The following NFATC3 variants were observed in gnomAD, a reference collection of about 807,000 sequenced individuals.
NFATC3 encodes nuclear factor of activated T-cells, cytoplasmic 3.
A neutral mutation model predicts 98.6 loss-of-function variants in NFATC3; 46 were observed. The observed-to-expected ratio is 0.47, with a 90% confidence interval of 0.37 to 0.60. The LOEUF (loss-of-function observed/expected upper bound fraction) is 0.60. Among genes scored for constraint, NFATC3 ranks in the 20% least tolerant of loss-of-function variants. The probability of loss-of-function intolerance (pLI) is 0.00; values close to 1 mark genes in which losing one functional copy is unlikely to be tolerated. For synonymous variants in NFATC3, 512 were observed against 472.2 expected (o/e 1.08, Z -1.09); for missense variants, 1,256 against 1,295.5 (o/e 0.97, Z 0.47).
chr16:68,191,644 T>TA lies in NFATC3; in HGVS notation c.2977dup (p.Ile993AsnfsTer7), dbSNP rs1270748568. 6.2e-7 allele frequency: 1 copy of TA among 1,614,104 alleles called. No homozygotes were observed. The highest frequency in any genetic ancestry group is 8.5e-7 in the Non-Finnish European group (1 of 1,180,028). On this transcript the variant is annotated frameshift_variant, in exon 9 of 10. Transcript: ENST00000346183. LOFTEE classifies it high-confidence loss of function. ...GGGGGTCTTTCTGCACCTTCATCCT[T>TA]AATATGTCACAGTTTGTGTGATCCA...
rs2040407399 is a variant in NFATC3 at position 68,191,167 on chromosome 16, A to G, written c.2498A>G (p.Gln833Arg). 1.9e-6 allele frequency: 3 copies of G among 1,614,180 alleles called. No individual in the cohort carries two copies. Among genetic ancestry groups the G allele is most frequent in the Non-Finnish European group, 2.5e-6 (3 of 1,180,038 alleles). The change falls in exon 9 of 10, where the codon CAG (glutamine) becomes CGG (arginine). Residue 833 changes from glutamine to arginine, a missense_variant. Physicochemically the swap from Gln to Arg is conservative, Grantham distance 43 (BLOSUM62 1). Transcript: ENST00000346183. ...CAAGAATTTGATTCAGTTTTGTTTCAGCAGGATGCAACTCTTTCTGGTTTA... is the reference window on the plus strand; with the variant it reads ...CAAGAATTTGATTCAGTTTTGTTTCGGCAGGATGCAACTCTTTCTGGTTTA... ...SSQEFDSVLF[Q>R]QDATLSGLVN...
intron 1 of NFATC3, among the ~76,000 whole-genome samples, chr16:68,090,347 A>G (rs1241656150): frequency 7.5e-6 from 1 of 132,810 alleles, no homozygotes; most frequent in Non-Finnish European, 1.6e-5. Context: ...ACACGCACAC[A>G]CACACGAATA....
At chr16:68,103,573 G>T (rs1389759510) in intron 1 of NFATC3, among the ~76,000 whole-genome samples, 2 of 152,178 alleles carry the variant, frequency 1.3e-5, no homozygotes, top group African/African-American at 2.4e-5. Flanking sequence ...TGTATTAATT[G>T]AGTTCTTTTG....
rs767138603 is a variant in NFATC3 at position 68,085,840 on chromosome 16, C to T, written c.103+56C>T. 2.7e-5 allele frequency: 34 copies of T among 1,266,586 alleles called. No individual in the cohort carries two copies. The Admixed American group carries it at 9.9e-4, about 37-fold the overall frequency. The allele number at this position is 1,266,586 out of a possible 1,614,324, so 78.5% of individuals were successfully genotyped here. A position where few individuals can be genotyped will look rare whatever the true frequency, so the allele number is the denominator to read the frequency against. ...CGACCCCGCTTCTCGCTCGCAGGAT[C>T]TCTCGCTCCCTCCCTGTTCCCTTGG... is the stretch of plus-strand genomic sequence containing the variant. On this transcript the variant is annotated intron_variant, in intron 1 of 9. Coordinates refer to ENST00000346183, the MANE Select transcript of NFATC3 (RefSeq NM_173165.3).
At chr16:68,174,715 G>A (rs980444613) in intron 6 of NFATC3, among the ~76,000 whole-genome samples, 1 of 152,188 alleles carries the variant, frequency 6.6e-6, no homozygotes, top group Non-Finnish European at 1.5e-5. Context: ...GGGCATGGTG[G>A]CATGTGCCTG....
intron 1 of NFATC3, among the ~76,000 whole-genome samples, chr16:68,093,151 G>A (rs1030786545): frequency 6.6e-6 from 1 of 152,100 alleles, no homozygotes; most frequent in African/African-American, 2.4e-5. Context: ...CAGTCCCAGT[G>A]TGAAACCTTT....
At chr16:68,167,890 T>C (rs1257456513) in intron 5 of NFATC3, among the ~76,000 whole-genome samples, 1 of 139,210 alleles carries the variant, frequency 7.2e-6, no homozygotes, top group African/African-American at 2.6e-5. Context: ...TGGAGTGCAG[T>C]GTTGTGATCT....
rs527913251 is a variant in NFATC3, at chr16:68,174,087, C to T, written c.1775-287C>T. Among the ~76,000 whole-genome samples, 13 of 152,304 alleles carry T rather than the reference C, an allele frequency of 8.5e-5. No individual in the cohort carries two copies. The Middle Eastern group carries it at 0.014, about 159-fold the overall frequency. On this transcript the variant is annotated intron_variant, in intron 5 of 9. Transcript: ENST00000346183. ...ACTTGAGCCCAGGAACTGGAGGCTG[C>T]AGGGAGCTAGGATCACATCACTGTG...
intron 1 of NFATC3, among the ~76,000 whole-genome samples, chr16:68,090,999 T>G (rs957944041): frequency 1.5e-4 from 23 of 152,176 alleles, no homozygotes; most frequent in African/African-American, 4.6e-4. Context: ...TTTTGTGGTT[T>G]AGATTAGTGA....
chr16:68,152,091 A>ACG (rs2038359734), intron 3 of NFATC3, among the ~76,000 whole-genome samples: 1 of 150,768 alleles, frequency 6.6e-6, no homozygotes, highest in Non-Finnish European at 1.5e-5. Context: ...GGCTGGGTGC[A>ACG]GTGGCTCACG....
intron 9 of NFATC3, chr16:68,226,122 T>A (rs1005230111): frequency 2.3e-6 from 1 of 428,474 alleles, no homozygotes; most frequent in African/African-American, 2.1e-5. Context: ...TAAGCCCCCT[T>A]CCCAACCCAA....
chr16:68,103,246 A>G (rs897052432), intron 1 of NFATC3, among the ~76,000 whole-genome samples: 1 of 151,320 alleles, frequency 6.6e-6, no homozygotes, highest in Non-Finnish European at 1.5e-5. Flanking sequence ...TCTGTTGCCC[A>G]GGCTGGAATG....
intron 1 of NFATC3, among the ~76,000 whole-genome samples, chr16:68,121,215 C>T (rs1245018008): frequency 1.3e-5 from 2 of 148,584 alleles, no homozygotes; most frequent in Non-Finnish European, 3.0e-5. Flanking sequence ...TCTTTGCAGC[C>T]TAGGAATATC....
intron 6 of NFATC3, among the ~76,000 whole-genome samples, chr16:68,176,578 C>G (rs2039718869): frequency 6.6e-6 from 1 of 152,084 alleles, no homozygotes; most frequent in Admixed American, 6.6e-5. Context: ...TAGGCATAGG[C>G]AAGAATATTA....
chr16:68,184,779 G>T (rs1276160626), intron 8 of NFATC3, among the ~76,000 whole-genome samples: 1 of 151,774 alleles, frequency 6.6e-6, no homozygotes, highest in Non-Finnish European at 1.5e-5. Flanking sequence ...ACTCCAGCCT[G>T]GGCAACAGAG....
At chr16:68,102,286 C>T (rs547165522) in intron 1 of NFATC3, among the ~76,000 whole-genome samples, 1 of 145,440 alleles carries the variant, frequency 6.9e-6, no homozygotes, top group East Asian at 2.0e-4. Context: ...GCAGGAGAAT[C>T]GCTTGAACCC....
At chr16:68,183,219 A>G in intron 7 of NFATC3, 21 bp from the exon 8 acceptor site, 1 of 1,560,636 alleles carries the variant, frequency 6.4e-7, no homozygotes, top group Non-Finnish European at 8.6e-7. Flanking sequence ...AGTGTAACAC[A>G]ATCTTGCTTT....
At chr16:68,108,435 T>G (rs1201468942) in intron 1 of NFATC3, among the ~76,000 whole-genome samples, 2 of 152,198 alleles carry the variant, frequency 1.3e-5, no homozygotes, top group Non-Finnish European at 2.9e-5. Context: ...CATTGGTCTT[T>G]GTGTCTGTTT....
intron 1 of NFATC3, among the ~76,000 whole-genome samples, chr16:68,098,271 C>CTCT (rs1439787652): frequency 8.1e-6 from 1 of 123,602 alleles, no homozygotes; most frequent in Non-Finnish European, 1.6e-5. Flanking sequence ...AACTTTTTGT[C>CTCT]TATTATTATT....
Sources: gnomAD v4.1 joint callset for allele counts (sites outside exome capture counted in the v4.1 genomes callset) on GRCh38, gnomAD v4.1.1 for gene constraint, MANE v1.5 for transcripts, NCBI Gene and HGNC (gene_info 2026-07-23, HGNC 2026-07-21) for gene names.